Variants in SMARCD3 observed in about 807,000 individuals in gnomAD.
The protein encoded by SMARCD3 is SWI/SNF related BAF chromatin remodeling complex subunit D3, also known as SWI/SNF-related matrix-associated actin-dependent regulator of chromatin subfamily D member 3.
Under a neutral mutation model 58.0 loss-of-function variants are expected in SMARCD3, and 14 were observed. The observed-to-expected ratio is 0.24, with a 90% CI of 0.16 to 0.38. The LOEUF (loss-of-function observed/expected upper bound fraction) is 0.38. Ranked by LOEUF, SMARCD3 falls within the 10% of genes least tolerant of loss-of-function variation. SMARCD3 has a pLI of 1.00. For missense variants in SMARCD3, 408 were observed against 636.9 expected, an observed-to-expected ratio of 0.64 and a Z score of 3.87; for synonymous variants, 253 against 253.8, an observed-to-expected ratio of 1.00 and a Z score of 0.03.
At position 151,241,727 on chromosome 7, in the gene SMARCD3, C is replaced by G. The variant is rs1046258918; in HGVS notation, c.778-74G>C. 4 of 1,460,070 alleles carry G rather than the reference C, an allele frequency of 2.7e-6. No homozygotes were observed. The highest frequency in any genetic ancestry group is 3.8e-6 in the Non-Finnish European group (4 of 1,057,002). 90.4% of individuals were successfully genotyped at this position (1,460,070 alleles called of 1,614,324 possible). Reference sequence around the variant, plus strand: ...GAGCCCAGGGCCAGGCCATTCAGGACTAGGGGGATGTGTTGATTGAGGAAA... The same window carrying G: ...GAGCCCAGGGCCAGGCCATTCAGGAGTAGGGGGATGTGTTGATTGAGGAAA... On this transcript the variant is annotated intron_variant, in intron 7 of 12. Transcript: ENST00000262188. The surrounding 1 kb of genome is among the most constrained non-coding windows in gnomAD (Gnocchi z 5.3).
At chr7:151,248,762 C>G, upstream of SMARCD3, 1 of 947,722 alleles carries the variant, frequency 1.1e-6, no homozygotes, top group Non-Finnish European at 1.3e-6. This position sits in a 1 kb window ranked among gnomAD's most constrained non-coding sequence, Gnocchi z 6.1. Context: ...CGCCCGCCGC[C>G]GCCGCCGCCG....
chr7:151,261,477 A>G (rs1235719599), intron 2 of SMARCD3, among the ~76,000 whole-genome samples: 2 of 152,162 alleles, frequency 1.3e-5, no homozygotes, highest in Non-Finnish European at 2.9e-5. Context: ...CTGAGCCTCA[A>G]TTTCCCCATC....
chr7:151,242,630 C>G lies in SMARCD3; in HGVS notation c.457-27G>C, dbSNP rs763151189. The stretch of plus-strand genomic sequence containing the variant: ...TGTAGAAATAGAGTGCAGAACCGGG[C>G]GAATGCTGTGTGCTCCCACCCCGAC... On this transcript the variant is annotated intron_variant, in intron 4 of 12. Coordinates refer to ENST00000262188, the MANE Select transcript of SMARCD3 (RefSeq NM_001003801.2). The surrounding 1 kb of genome is among the most constrained non-coding windows in gnomAD (Gnocchi z 4.7). 1.2e-6 allele frequency: 2 copies of G among 1,611,952 alleles called. No individual in the cohort carries two copies. Among genetic ancestry groups the G allele is most frequent in the African/African-American group, 2.7e-5 (2 of 74,884 alleles).
In SMARCD3 at chr7:151,239,729, CTCAA is replaced by C; in HGVS notation, c.1187_1190del (p.Ile396SerfsTer3). ...TCTGGATCTTGAGCTGGTTTATGGACTCAATCGTCTCATGGATCTGCAGGTAGAA... is the reference window on the plus strand; with the variant it reads ...TCTGGATCTTGAGCTGGTTTATGGACTCGTCTCATGGATCTGCAGGTAGAA... On this transcript the variant is annotated frameshift_variant, in exon 11 of 13. Coordinates refer to ENST00000262188, the MANE Select transcript of SMARCD3 (RefSeq NM_001003801.2). LOFTEE classifies it high-confidence loss of function. The surrounding 1 kb of genome is among the most constrained non-coding windows in gnomAD (Gnocchi z 7.0). The C allele has an allele frequency of 6.2e-7, 1 of 1,613,828 alleles. No homozygotes were observed. Among genetic ancestry groups the C allele is most frequent in the Non-Finnish European group, 8.5e-7 (1 of 1,179,936 alleles).
intron 2 of SMARCD3, among the ~76,000 whole-genome samples, chr7:151,274,833 C>T (rs1795291677): frequency 6.6e-6 from 1 of 152,170 alleles, no homozygotes; most frequent in Admixed American, 6.5e-5. Flanking sequence ...GTAGCTTGTC[C>T]CTGGCTCAGA....
At chr7:151,248,694 TG>T (rs1803397650), upstream of SMARCD3, 2 of 1,387,066 alleles carry the variant, frequency 1.4e-6, no homozygotes, top group East Asian at 2.9e-5. This position sits in a 1 kb window ranked among gnomAD's most constrained non-coding sequence, Gnocchi z 6.1. Flanking sequence ...TCGAGCGGAG[TG>T]GGGAGGGGGC....
At chr7:151,248,723 G>GACGGCCC (rs1332113853), upstream of SMARCD3, 867 of 1,219,936 alleles carry the variant, frequency 7.1e-4, 1 homozygote, top group Non-Finnish European at 7.8e-4. This position sits in a 1 kb window ranked among gnomAD's most constrained non-coding sequence, Gnocchi z 6.1. Flanking sequence ...GGGCTGCCCT[G>GACGGCCC]ACGGCCCACG....
chr7:151,261,698 G>A lies in SMARCD3; in HGVS notation c.39+13416C>T, dbSNP rs562956855. 1.4e-3 allele frequency among the ~76,000 whole-genome samples: 217 copies of A among 152,278 alleles called. 1 individual carries two copies. The highest frequency in any genetic ancestry group is 4.7e-3 in the African/African-American group (194 of 41,564). The stretch of plus-strand genomic sequence containing the variant: ...CTGCTGCTCATCTGCCTTATCTCCC[G>A]GACTTGGATGATCCTGCTGCCAAAC... On this transcript the variant is annotated intron_variant, in intron 2 of 13. Coordinates refer to the SMARCD3 transcript ENST00000356800.
Position 151,245,661 on chromosome 7 carries a change from A to G in SMARCD3, c.89T>C (p.Met30Thr). Residue 30 changes from methionine to threonine, a missense_variant, in exon 2 of 13, where the codon ATG becomes ACG. Physicochemically the swap from Met to Thr is moderately conservative, Grantham distance 81. Transcript: ENST00000262188. This position sits in a 1 kb window ranked among gnomAD's most constrained non-coding sequence, Gnocchi z 6.2. Reference sequence around the variant, plus strand: ...GTGGGGCATCCGGGCTCCAGACGGCATCCCGGGGCGCTGGGGGTGGGCGGG... The same window carrying G: ...GTGGGGCATCCGGGCTCCAGACGGCGTCCCGGGGCGCTGGGGGTGGGCGGG... Reference protein sequence around the residue: ...EFLVHGVRPGMPSGARMPHQG... With the variant: ...EFLVHGVRPGTPSGARMPHQG... 1 of 1,069,018 alleles carries G rather than the reference A, an allele frequency of 9.4e-7. No homozygotes were observed. The highest frequency in any genetic ancestry group is 1.2e-6 in the Non-Finnish European group (1 of 842,304). 66.2% of individuals were successfully genotyped at this position (1,069,018 alleles called of 1,614,324 possible). A position where few individuals can be genotyped will look rare whatever the true frequency, so the allele number is the denominator to read the frequency against.
At position 151,248,443 on chromosome 7, in the gene SMARCD3, G is replaced by A. The variant is rs1404734788; in HGVS notation, c.78+42C>T. ...CCGATCAGCCCTCCATTCAGCCCGA[G>A]CCAGCTCGCTTGCCCTCCCCCGCTA... On this transcript the variant is annotated intron_variant, in intron 1 of 12. Coordinates refer to ENST00000262188, the MANE Select transcript of SMARCD3 (RefSeq NM_001003801.2). The surrounding 1 kb of genome is among the most constrained non-coding windows in gnomAD (Gnocchi z 6.1). 1 of 1,546,014 alleles carries A rather than the reference G, an allele frequency of 6.5e-7. No homozygotes were observed. Among genetic ancestry groups the A allele is most frequent in the African/African-American group, 1.4e-5 (1 of 73,512 alleles).
In SMARCD3 at chr7:151,239,257, G is replaced by T; in HGVS notation, c.1399-101C>A. ...GCCTGCCCTGAAAGAGCATCTGGGA[G>T]CAGGGAGGGCCATTGCATGGTGAGG... On this transcript the variant is annotated intron_variant, in intron 12 of 12. Transcript: ENST00000262188. This position sits in a 1 kb window ranked among gnomAD's most constrained non-coding sequence, Gnocchi z 7.0. The T allele has an allele frequency of 7.1e-7, 1 of 1,398,980 alleles. No homozygotes were observed. Among genetic ancestry groups the T allele is most frequent in the Non-Finnish European group, 1.0e-6 (1 of 985,368 alleles). 86.7% of individuals were successfully genotyped at this position (1,398,980 alleles called of 1,614,324 possible).
At chr7:151,250,672 C>T (rs530168254), upstream of SMARCD3, among the ~76,000 whole-genome samples, 12 of 152,038 alleles carry the variant, frequency 7.9e-5, no homozygotes, top group Non-Finnish European at 1.5e-4. Context: ...TTGCCATCTA[C>T]CCAGCACCAT....
At chr7:151,255,085 T>C (rs563475054) in intron 2 of SMARCD3, among the ~76,000 whole-genome samples, 26 of 152,260 alleles carry the variant, frequency 1.7e-4, no homozygotes, top group African/African-American at 6.0e-4. Context: ...GCCCTCGACC[T>C]GCCCTCGGCC....
upstream of SMARCD3, among the ~76,000 whole-genome samples, chr7:151,251,171 T>C (rs1421196648): frequency 6.6e-6 from 1 of 151,922 alleles, no homozygotes; most frequent in Non-Finnish European, 1.5e-5. Context: ...GGGAGGTAGT[T>C]AGACGAGGGG....
intron 8 of SMARCD3, 181 bp from the exon 9 acceptor site, chr7:151,240,703 A>T: frequency 1.9e-6 from 1 of 539,672 alleles, no homozygotes; most frequent in Non-Finnish European, 3.3e-6. Flanking sequence ...ATGGCTGACA[A>T]GATAGGGGGT....
chr7:151,245,138 C>T lies in SMARCD3; in HGVS notation c.290+322G>A, dbSNP rs956768306. ...AGTCCCACTGGAAGCCCCGCCCCCA[C>T]CCCAAAGACTGAAGCATCACCCAGA... On this transcript the variant is annotated intron_variant, in intron 2 of 12. Transcript: ENST00000262188. This position sits in a 1 kb window ranked among gnomAD's most constrained non-coding sequence, Gnocchi z 6.2. 6.6e-6 allele frequency among the ~76,000 whole-genome samples: 1 copy of T among 152,106 alleles called. No homozygotes were observed. Among genetic ancestry groups the T allele is most frequent in the African/African-American group, 2.4e-5 (1 of 41,406 alleles).
chr7:151,270,865 C>A (rs1443586595), intron 2 of SMARCD3, among the ~76,000 whole-genome samples: 1 of 152,122 alleles, frequency 6.6e-6, no homozygotes, highest in Non-Finnish European at 1.5e-5. Flanking sequence ...TGGACCAGGG[C>A]AGTGACGTGG....
chr7:151,263,346 TG>T (rs1417420425), intron 2 of SMARCD3, among the ~76,000 whole-genome samples: 1 of 152,008 alleles, frequency 6.6e-6, no homozygotes, highest in African/African-American at 2.4e-5. Context: ...GGAAGGCAGC[TG>T]GGGAGGTTGG....
chr7:151,275,323 A>G (rs1248127034), intron 1 of SMARCD3: 2 of 648,292 alleles, frequency 3.1e-6, no homozygotes, highest in Non-Finnish European at 2.8e-6. Context: ...GAAGAAGCCA[A>G]ACTCCCCGGA....
Sources: allele counts gnomAD v4.1 joint callset (sites outside exome capture counted in the v4.1 genomes callset), GRCh38; gene constraint gnomAD v4.1.1; non-coding constraint Gnocchi (gnomAD v3.1); transcripts MANE v1.5; gene names NCBI Gene and HGNC (gene_info 2026-07-23, HGNC 2026-07-21).